The following USP34 variants were observed in gnomAD, a reference collection of about 807,000 sequenced individuals.
The protein encoded by USP34 is ubiquitin carboxyl-terminal hydrolase 34.
A neutral mutation model predicts 460.3 loss-of-function variants in USP34; 70 were observed. The ratio of observed to expected loss-of-function variants is 0.15; its 90% CI spans 0.13 to 0.19. The LOEUF is 0.19. USP34 is among the 10% of genes least tolerant of loss of function. USP34 has a pLI of 1.00. For missense variants in USP34, 3,985 were observed against 4,236.2 expected, an observed-to-expected ratio of 0.94 and a Z score of 1.65; for synonymous variants, 1,647 against 1,405.3, an observed-to-expected ratio of 1.17 and a Z score of -3.85.
intron 12 of USP34, 134 bp from the exon 13 acceptor site, chr2:61,349,419 C>T: frequency 2.5e-6 from 2 of 806,200 alleles, no homozygotes; most frequent in Non-Finnish European, 3.8e-6. Flanking sequence ...AAGTCCCCAC[C>T]ACCTACAGTA....
chr2:61,378,631 C>T (rs1425015944), intron 7 of USP34, among the ~76,000 whole-genome samples: 2 of 152,092 alleles, frequency 1.3e-5, no homozygotes, highest in South Asian at 2.1e-4. Flanking sequence ...AATGGCCAGG[C>T]GCAGCGGCTC....
intron 53 of USP34, among the ~76,000 whole-genome samples, chr2:61,238,898 A>G (rs545107073): frequency 1.1e-4 from 17 of 152,188 alleles, no homozygotes; most frequent in African/African-American, 4.1e-4. Context: ...TTTTTCTAAT[A>G]GCATGTGCTC....
At chr2:61,349,128 C>T (rs1365739473) in intron 13 of USP34, 122 bp downstream of exon 13, 1 of 1,241,204 alleles carries the variant, frequency 8.1e-7, no homozygotes, top group Non-Finnish European at 1.1e-6. Context: ...TAAAGGTTTA[C>T]ATCTCCTCAA....
At position 61,319,206 on chromosome 2, in the gene USP34, A is replaced by T; in HGVS notation, c.3135T>A (p.Gly1045=). The T allele has an allele frequency of 6.3e-7, 1 of 1,576,336 alleles. No individual in the cohort carries two copies. The highest frequency in any genetic ancestry group is 8.6e-7 in the Non-Finnish European group (1 of 1,168,336). ...QVRSKDQHAM[G]METYKHLFLE... is the part of the protein sequence containing the mutation. Reference sequence around the variant, plus strand: ...GGAAAAGATGTTTGTAGGTTTCCATACCCATAGCATGTTGATCTTTACTTC... The same window carrying T: ...GGAAAAGATGTTTGTAGGTTTCCATTCCCATAGCATGTTGATCTTTACTTC... The change falls in exon 22 of 80, where the codon GGT becomes GGA. Residue 1045 remains glycine (G), a synonymous_variant. Transcript: ENST00000398571.
chr2:61,322,685 G>C (rs1443378680), intron 21 of USP34, among the ~76,000 whole-genome samples: 1 of 152,182 alleles, frequency 6.6e-6, no homozygotes, highest in Admixed American at 6.5e-5. Context: ...CCTAGTAGCA[G>C]TATCAGTCTA....
chr2:61,340,364 T>C (rs1691554214), intron 16 of USP34, among the ~76,000 whole-genome samples: 1 of 152,210 alleles, frequency 6.6e-6, no homozygotes, highest in Non-Finnish European at 1.5e-5. Flanking sequence ...AAAACTACCA[T>C]AAACATCTGT....
At chr2:61,250,218 G>GA (rs1688538814) in intron 48 of USP34, 1 of 165,434 alleles carries the variant, frequency 6.0e-6, no homozygotes, top group African/African-American at 2.4e-5. Context: ...ACTCAAAAAA[G>GA]AAAAGAAAAA....
intron 72 of USP34, 72 bp from the exon 73 acceptor site, chr2:61,204,673 A>C: frequency 5.7e-6 from 7 of 1,225,130 alleles, no homozygotes; most frequent in Non-Finnish European, 8.3e-6. Flanking sequence ...CCATCTTACA[A>C]ATCCTATGAT....
At chr2:61,363,796 A>G (rs888140271) in intron 10 of USP34, among the ~76,000 whole-genome samples, 7 of 152,224 alleles carry the variant, frequency 4.6e-5, no homozygotes, top group Admixed American at 3.9e-4. Context: ...CAAAAGGTGG[A>G]AACAACCCAA....
chr2:61,222,502 A>ATTTTTTTTT, intron 65 of USP34, 117 bp downstream of exon 65: 1 of 717,672 alleles, frequency 1.4e-6, no homozygotes. Flanking sequence ...AAAATAGGTT[A>ATTTTTTTTT]TTATGTTATG....
chr2:61,319,824 A>G (rs1411008647), intron 21 of USP34, among the ~76,000 whole-genome samples: 8 of 152,208 alleles, frequency 5.3e-5, no homozygotes, highest in Non-Finnish European at 8.8e-5. Context: ...AGCCAGGGCA[A>G]CAGCGCGAGA....
At chr2:61,463,363 T>A (rs1007827424) in intron 1 of USP34, among the ~76,000 whole-genome samples, 3 of 152,136 alleles carry the variant, frequency 2.0e-5, no homozygotes, top group African/African-American at 7.2e-5. Flanking sequence ...TTTTATTCAA[T>A]GAAAAAGATT....
intron 48 of USP34, 62 bp from the exon 49 acceptor site, chr2:61,248,745 TTC>T (rs1317441091): frequency 9.9e-5 from 143 of 1,440,854 alleles, no homozygotes; most frequent in Non-Finnish European, 1.2e-4. Context: ...TTGGTTTGAT[TTC>T]TGTTATGCTA....
intron 43 of USP34, 128 bp downstream of exon 43, chr2:61,265,269 C>T (rs370893330): frequency 3.0e-5 from 30 of 992,214 alleles, no homozygotes; most frequent in East Asian, 2.6e-4. Flanking sequence ...TAGCTAGTTA[C>T]TGTAATCAAA....
chr2:61,367,877 C>T (rs942050814), intron 10 of USP34, among the ~76,000 whole-genome samples: 2 of 152,010 alleles, frequency 1.3e-5, no homozygotes, highest in African/African-American at 4.8e-5. Flanking sequence ...AAATATTTTA[C>T]CCCAATGCTA....
At chr2:61,397,040 A>C (rs994999100) in intron 3 of USP34, among the ~76,000 whole-genome samples, 1 of 152,232 alleles carries the variant, frequency 6.6e-6, no homozygotes, top group Non-Finnish European at 1.5e-5. Context: ...TCTGATGTTC[A>C]TAATTTTTAC....
Position 61,299,094 on chromosome 2 carries a change from G to A in USP34, c.4128+1857C>T, listed in dbSNP as rs971895401. 2.6e-5 allele frequency among the ~76,000 whole-genome samples: 4 copies of A among 151,950 alleles called. No individual in the cohort carries two copies. In the East Asian group the frequency reaches 7.7e-4, roughly 29 times the overall value. ...ATGGGCACCTATTAATGATTATTCT[G>A]CTTGAAAAAACAATGGGTATTTCTT... On this transcript the variant is annotated intron_variant, in intron 29 of 79. Coordinates refer to ENST00000398571, the MANE Select transcript of USP34 (RefSeq NM_014709.4).
intron 75 of USP34, chr2:61,194,015 TA>T: frequency 1.5e-6 from 1 of 671,302 alleles, no homozygotes; most frequent in Non-Finnish European, 1.8e-6. Flanking sequence ...AAAAAAAATT[TA>T]AAAATATGAA....
At chr2:61,323,898 G>A (rs1691005615) in intron 21 of USP34, among the ~76,000 whole-genome samples, 2 of 152,114 alleles carry the variant, frequency 1.3e-5, no homozygotes, top group South Asian at 2.1e-4. Context: ...ACCAAAATCA[G>A]GTCGCTTATT....
Sources: gnomAD v4.1 joint callset for allele counts (sites outside exome capture counted in the v4.1 genomes callset) on GRCh38, gnomAD v4.1.1 for gene constraint, MANE v1.5 for transcripts, NCBI Gene and HGNC (gene_info 2026-07-23, HGNC 2026-07-21) for gene names.